PLXNA4: variants seen among roughly 807,000 people sequenced by gnomAD.
The protein encoded by PLXNA4 is plexin-A4.
A neutral mutation model predicts 191.8 loss-of-function variants in PLXNA4; 44 were observed. The ratio of observed to expected loss-of-function variants is 0.23; its 90% CI spans 0.18 to 0.29. The LOEUF is 0.29. Ranked by LOEUF, PLXNA4 falls within the 10% of genes least tolerant of loss-of-function variation. PLXNA4 has a pLI of 1.00. For missense variants in PLXNA4, 1,800 were observed against 2,488.8 expected, an observed-to-expected ratio of 0.72 and a Z score of 5.89; for synonymous variants, 1,082 against 1,009.5, an observed-to-expected ratio of 1.07 and a Z score of -1.36.
At chr7:132,263,197 A>G (rs1799717044) in intron 4 of PLXNA4, among the ~76,000 whole-genome samples, 1 of 152,126 alleles carries the variant, frequency 6.6e-6, no homozygotes, top group African/African-American at 2.4e-5. Flanking sequence ...GTTGGCAGAG[A>G]TGCAAAATGG....
intron 1 of PLXNA4, among the ~76,000 whole-genome samples, chr7:132,532,027 C>T (rs918168628): frequency 1.3e-5 from 2 of 152,218 alleles, no homozygotes; most frequent in Non-Finnish European, 2.9e-5. Context: ...CCTAGAGCCT[C>T]AGTCCAAAGT....
chr7:132,555,854 T>C (rs1167822934), intron 1 of PLXNA4, among the ~76,000 whole-genome samples: 1 of 152,250 alleles, frequency 6.6e-6, no homozygotes, highest in East Asian at 1.9e-4. Flanking sequence ...CATCAGAGTC[T>C]ACACTGTTTG....
intron 2 of PLXNA4, among the ~76,000 whole-genome samples, chr7:132,621,892 C>T (rs976835219): frequency 2.0e-5 from 3 of 152,222 alleles, no homozygotes; most frequent in Admixed American, 2.0e-4. Flanking sequence ...AAGTCAACTA[C>T]ATTGCTGCTA....
intron 3 of PLXNA4, among the ~76,000 whole-genome samples, chr7:132,316,528 C>G (rs1307894714): frequency 3.3e-5 from 5 of 152,088 alleles, no homozygotes; most frequent in African/African-American, 1.2e-4. Flanking sequence ...CTATAAAGTA[C>G]TTAATCAATA....
chr7:132,555,051 A>AAAAAACAAAAAAAC (rs1356426264), intron 1 of PLXNA4, among the ~76,000 whole-genome samples: 4 of 151,342 alleles, frequency 2.6e-5, no homozygotes, highest in African/African-American at 9.7e-5. Flanking sequence ...GAAGGAAAAA[A>AAAAAACAAAAAAAC]AAAAACAAAA....
chr7:132,339,457 A>G (rs2116736199), intron 3 of PLXNA4, among the ~76,000 whole-genome samples: 1 of 152,348 alleles, frequency 6.6e-6, no homozygotes, highest in East Asian at 1.9e-4. Context: ...TCCAAATTTT[A>G]TCACATGAAA....
chr7:132,395,227 T>A (rs1238200799), intron 3 of PLXNA4, among the ~76,000 whole-genome samples: 5 of 152,124 alleles, frequency 3.3e-5, no homozygotes, highest in Non-Finnish European at 5.9e-5. Context: ...CTCCTAGAAA[T>A]CACTGGTTTG....
At chr7:132,154,520 TTGTAAAC>T (rs768679502) in intron 25 of PLXNA4, among the ~76,000 whole-genome samples, 7 of 152,252 alleles carry the variant, frequency 4.6e-5, no homozygotes, top group Admixed American at 1.3e-4. Context: ...TACTAGATCT[TTGTAAAC>T]TGTAAAGTGC....
At chr7:132,213,322 C>G (rs1016813223) in intron 9 of PLXNA4, among the ~76,000 whole-genome samples, 9 of 152,200 alleles carry the variant, frequency 5.9e-5, no homozygotes, top group Admixed American at 5.9e-4. Context: ...GTGAAATGTA[C>G]TTAACGCCAC....
chr7:132,403,939 G>A (rs1468775712), intron 3 of PLXNA4, among the ~76,000 whole-genome samples: 3 of 152,164 alleles, frequency 2.0e-5, no homozygotes, highest in Admixed American at 1.3e-4. Flanking sequence ...GCTCCATTCA[G>A]TAGGGGCGGG....
At position 132,127,644 on chromosome 7, in the gene PLXNA4, A is replaced by C. The variant is rs1308319772; in HGVS notation, c.*2835T>G. On this transcript the variant is annotated 3_prime_UTR_variant, in exon 32 of 32. Transcript: ENST00000321063. ...GCTGTGGCTCTGGATACCTGGCTCA[A>C]ATTTCTCAGTCCCCAAGCAGGCCAC... The C allele has an allele frequency of 2.6e-5, 4 of 152,160 alleles. No individual in the cohort carries two copies. Among genetic ancestry groups the C allele is most frequent in the Non-Finnish European group, 5.9e-5 (4 of 68,032 alleles). 9.4% of individuals were successfully genotyped at this position (152,160 alleles called of 1,614,324 possible). A position where few individuals can be genotyped will look rare whatever the true frequency, so the allele number is the denominator to read the frequency against.
chr7:132,353,340 T>C (rs545168932), intron 3 of PLXNA4, among the ~76,000 whole-genome samples: 1 of 152,292 alleles, frequency 6.6e-6, no homozygotes, highest in African/African-American at 2.4e-5. Context: ...TTAAATCACA[T>C]CTGAGGACTA....
intron 3 of PLXNA4, among the ~76,000 whole-genome samples, chr7:132,322,980 T>TA (rs1802231105): frequency 2.0e-5 from 3 of 152,220 alleles, no homozygotes; most frequent in Admixed American, 1.3e-4. Context: ...ACATCAGAAA[T>TA]ACAAGGGTTG....
chr7:132,504,273 C>T (rs1798370472), intron 2 of PLXNA4, among the ~76,000 whole-genome samples: 1 of 152,246 alleles, frequency 6.6e-6, no homozygotes, highest in Non-Finnish European at 1.5e-5. Flanking sequence ...TCTGTGGATG[C>T]TCCCTGGCAC....
intron 3 of PLXNA4, among the ~76,000 whole-genome samples, chr7:132,458,445 T>C (rs1018257217): frequency 6.6e-6 from 1 of 151,936 alleles, no homozygotes; most frequent in Non-Finnish European, 1.5e-5. Flanking sequence ...GAAAAGTCAA[T>C]GTTGGTGTAC....
At chr7:132,287,192 G>C (rs183201713) in intron 4 of PLXNA4, among the ~76,000 whole-genome samples, 2 of 152,244 alleles carry the variant, frequency 1.3e-5, no homozygotes, top group South Asian at 2.1e-4. Flanking sequence ...GCACAATAAG[G>C]CCTGGCTAAC....
At chr7:132,360,898 G>A (rs965100630) in intron 3 of PLXNA4, among the ~76,000 whole-genome samples, 2 of 152,204 alleles carry the variant, frequency 1.3e-5, no homozygotes, top group African/African-American at 4.8e-5. Context: ...TCTGCTGAAT[G>A]CACATTTTAT....
chr7:132,145,496 A>T (rs999398448), intron 28 of PLXNA4: 1 of 661,632 alleles, frequency 1.5e-6, no homozygotes, highest in Non-Finnish European at 2.5e-6. Flanking sequence ...TGGAAAAGAG[A>T]TATAACACTG....
At chr7:132,274,009 A>C (rs903048214) in intron 4 of PLXNA4, among the ~76,000 whole-genome samples, 1 of 151,940 alleles carries the variant, frequency 6.6e-6, no homozygotes, top group African/African-American at 2.4e-5. Flanking sequence ...AGCAGTAAAA[A>C]AAAAAGGGGG....
Sources: gnomAD v4.1 joint callset for allele counts (sites outside exome capture counted in the v4.1 genomes callset) on GRCh38, gnomAD v4.1.1 for gene constraint, MANE v1.5 for transcripts, NCBI Gene and HGNC (gene_info 2026-07-23, HGNC 2026-07-21) for gene names.